The following ABCA12 variants were observed in gnomAD, a reference collection of about 807,000 sequenced individuals.
The protein encoded by ABCA12 is glucosylceramide transporter ABCA12.
A neutral mutation model predicts 293.5 loss-of-function variants in ABCA12; 156 were observed. The ratio of observed to expected loss-of-function variants is 0.53; its 90% CI spans 0.47 to 0.61. ABCA12 has a LOEUF of 0.61. Among genes scored for constraint, ABCA12 ranks in the 20% least tolerant of loss-of-function variants. The pLI is 0.00. For missense variants in ABCA12, 2,797 were observed against 3,090.2 expected (o/e 0.91, Z 2.25); for synonymous variants, 1,063 against 1,108.0 (o/e 0.96, Z 0.81).
intron 19 of ABCA12, among the ~76,000 whole-genome samples, chr2:215,005,790 C>A (rs1407684483): frequency 6.6e-6 from 1 of 152,188 alleles, no homozygotes; most frequent in Non-Finnish European, 1.5e-5. Context: ...TTGATCAATA[C>A]TAATCCATGC....
At position 214,955,249 on chromosome 2, in the gene ABCA12, A is replaced by G. The variant is rs1282562701; in HGVS notation, c.6346T>C (p.Ser2116Pro). The G allele has an allele frequency of 6.2e-7, 1 of 1,614,190 alleles. No individual in the cohort carries two copies. Among genetic ancestry groups the G allele is most frequent in the African/African-American group, 1.3e-5 (1 of 75,066 alleles). Residue 2116 changes from serine to proline, a missense_variant, in exon 43 of 53, where the codon TCC becomes CCC. Around this residue, in one of 3 missense-constraint regions of ABCA12, gnomAD observed 2,130 missense variants for 2,427.0 expected, o/e 0.88. Coordinates refer to ENST00000272895, the MANE Select transcript of ABCA12 (RefSeq NM_173076.3). ...GAAAGAAAGTATACCACTGACAGGG[A>G]AACAATGGAATTAATGCCAAAAAAC... The part of the protein sequence containing the change: ...NLFFGINSIV[S>P]LSVVYFLSKE...
intron 6 of ABCA12, among the ~76,000 whole-genome samples, chr2:215,048,463 G>A (rs1298476675): frequency 6.6e-6 from 1 of 152,076 alleles, no homozygotes; most frequent in Non-Finnish European, 1.5e-5. Context: ...GGGAGGCCGA[G>A]GCAGGTGGGT....
At chr2:214,950,326 A>T (rs1698715660) in intron 45 of ABCA12, among the ~76,000 whole-genome samples, 1 of 151,504 alleles carries the variant, frequency 6.6e-6, no homozygotes, top group South Asian at 2.1e-4. Flanking sequence ...CTATATGTGT[A>T]TACATATATA....
Position 214,950,865 on chromosome 2 carries a change from A to T in ABCA12, c.6852+14T>A, listed in dbSNP as rs1698743244. The T allele has an allele frequency of 6.2e-7, 1 of 1,612,074 alleles. No homozygotes were observed. The highest frequency in any genetic ancestry group is 1.7e-5 in the Admixed American group (1 of 59,984). On this transcript the variant is annotated intron_variant, in intron 45 of 52. Coordinates refer to ENST00000272895, the MANE Select transcript of ABCA12 (RefSeq NM_173076.3). ...AATGAAAAGGACAGTTAGAAACAAA[A>T]CACAGTTTCTTACCTCTCCAGCAGG... is the stretch of plus-strand genomic sequence containing the variant.
chr2:214,954,350 G>A (rs769600815), intron 43 of ABCA12, among the ~76,000 whole-genome samples: 6 of 152,058 alleles, frequency 3.9e-5, no homozygotes, highest in Non-Finnish European at 7.4e-5. Flanking sequence ...ACCTAATCCT[G>A]GAGGCAAAAT....
At chr2:215,019,273 C>T (rs138410307) in intron 13 of ABCA12, 63 bp downstream of exon 13, 12 of 1,472,994 alleles carry the variant, frequency 8.1e-6, no homozygotes, top group Non-Finnish European at 1.1e-5. Context: ...CTTTCTTAAA[C>T]TGCAGCGTGA....
At chr2:215,088,659 A>C (rs1702084570) in intron 2 of ABCA12, among the ~76,000 whole-genome samples, 1 of 152,232 alleles carries the variant, frequency 6.6e-6, no homozygotes, top group South Asian at 2.1e-4. Context: ...TCAGAGGCTT[A>C]GTTTGACATT....
At chr2:214,978,539 G>GAAAGAGAAGCC in intron 32 of ABCA12, 73 bp from the exon 33 acceptor site, 1 of 1,543,376 alleles carries the variant, frequency 6.5e-7, no homozygotes, top group Non-Finnish European at 8.8e-7. Flanking sequence ...GCTTACCTTT[G>GAAAGAGAAGCC]ATTTTGAACT....
At chr2:215,068,263 G>A (rs1326184460) in intron 2 of ABCA12, among the ~76,000 whole-genome samples, 2 of 152,172 alleles carry the variant, frequency 1.3e-5, no homozygotes, top group Non-Finnish European at 2.9e-5. Flanking sequence ...AGGTAATTCT[G>A]ATGCACAGTG....
At chr2:214,958,218 G>A (rs780136861) in intron 41 of ABCA12, 59 bp downstream of exon 41, 4 of 1,584,564 alleles carry the variant, frequency 2.5e-6, no homozygotes, top group Non-Finnish European at 3.5e-6. Context: ...ATAGAAAACT[G>A]ATGTCTTCTA....
chr2:215,128,360 G>T lies in ABCA12; in HGVS notation c.69+9780C>A, dbSNP rs376426935. ...CGTCTAGGTCTCTAGCAAGGCTGGG[G>T]AAGTTTTCCTCAATTATTCCCCTAA... On this transcript the variant is annotated intron_variant, in intron 1 of 52. Coordinates refer to ENST00000272895, the MANE Select transcript of ABCA12 (RefSeq NM_173076.3). 2.8e-4 allele frequency among the ~76,000 whole-genome samples: 42 copies of T among 152,318 alleles called. No homozygotes were observed. The East Asian group carries it at 6.6e-3, about 24-fold the overall frequency.
intron 19 of ABCA12, 21 bp from the exon 20 acceptor site, chr2:215,004,320 A>C (rs753637022): frequency 6.4e-7 from 1 of 1,560,188 alleles, no homozygotes; most frequent in East Asian, 2.2e-5. Flanking sequence ...ATAATTAAAA[A>C]TCAGTTTCAA....
chr2:215,123,462 C>T (rs989124501), intron 1 of ABCA12, among the ~76,000 whole-genome samples: 1 of 152,156 alleles, frequency 6.6e-6, no homozygotes, highest in African/African-American at 2.4e-5. Flanking sequence ...TGAGCCACTG[C>T]ACCTGGCGTC....
At chr2:214,938,747 A>G (rs1203369138) in intron 50 of ABCA12, among the ~76,000 whole-genome samples, 1 of 152,248 alleles carries the variant, frequency 6.6e-6, no homozygotes, top group Non-Finnish European at 1.5e-5. Context: ...TGTTGGCAGC[A>G]TAAATGTCTT....
At chr2:215,024,250 A>G (rs1229471595) in intron 11 of ABCA12, among the ~76,000 whole-genome samples, 1 of 152,174 alleles carries the variant, frequency 6.6e-6, no homozygotes, top group African/African-American at 2.4e-5. Flanking sequence ...CACAACACTT[A>G]TCTCACTGTA....
At chr2:215,117,537 A>G (rs1261232034) in intron 1 of ABCA12, among the ~76,000 whole-genome samples, 1 of 152,238 alleles carries the variant, frequency 6.6e-6, no homozygotes, top group Non-Finnish European at 1.5e-5. Flanking sequence ...TATTATTTCA[A>G]GTATTTACAA....
At chr2:215,133,980 G>C (rs1284270621) in intron 1 of ABCA12, among the ~76,000 whole-genome samples, 1 of 151,956 alleles carries the variant, frequency 6.6e-6, no homozygotes, top group Non-Finnish European at 1.5e-5. Context: ...CAAGTCCCTT[G>C]AGCATTCTAG....
chr2:215,012,825 A>AT (rs1205608179), intron 15 of ABCA12, among the ~76,000 whole-genome samples: 1 of 152,160 alleles, frequency 6.6e-6, no homozygotes, highest in African/African-American at 2.4e-5. Flanking sequence ...AAAATAGATG[A>AT]TTTTATAAGT....
rs774666420 is a variant in ABCA12 at position 215,052,538 on chromosome 2, T to C, written c.456A>G (p.Thr152=). The C allele has an allele frequency of 1.9e-6, 3 of 1,612,800 alleles. No individual in the cohort carries two copies. The highest frequency in any genetic ancestry group is 2.5e-6 in the Non-Finnish European group (3 of 1,179,056). Residue 152 remains threonine (T), a synonymous_variant, in exon 5 of 53, where the codon ACA becomes ACG. Coordinates refer to ENST00000272895, the MANE Select transcript of ABCA12 (RefSeq NM_173076.3). ...SPSSDLEIPG[T]YTFNGSQVLA... ...GCACTTGACTGCCATTGAAAGTATATGTTCCGGGGATTTCCAAATCAGAAC... is the reference window on the plus strand; with the variant it reads ...GCACTTGACTGCCATTGAAAGTATACGTTCCGGGGATTTCCAAATCAGAAC...
Sources: allele counts gnomAD v4.1 joint callset (sites outside exome capture counted in the v4.1 genomes callset), GRCh38; gene constraint gnomAD v4.1.1; regional missense constraint gnomAD v4.1.1; transcripts MANE v1.5; gene names NCBI Gene and HGNC (gene_info 2026-07-23, HGNC 2026-07-21).